ZSWIM5: variants seen among roughly 807,000 people sequenced by gnomAD.
ZSWIM5 encodes the protein zinc finger SWIM-type containing 5.
In ZSWIM5, 55 loss-of-function variants were observed where a neutral mutation model predicts 119.6. The observed-to-expected ratio is 0.46, with a 90% CI of 0.37 to 0.58. The LOEUF is 0.58. Among genes scored for constraint, ZSWIM5 ranks in the 20% least tolerant of loss-of-function variants. ZSWIM5 has a pLI of 0.00. For synonymous variants in ZSWIM5, 537 were observed against 606.9 expected, an observed-to-expected ratio of 0.88 and a Z score of 1.69; for missense variants, 1,193 against 1,512.8, an observed-to-expected ratio of 0.79 and a Z score of 3.51.
Position 45,043,213 on chromosome 1 carries a change from A to G in ZSWIM5, c.1609+6T>C. On this transcript the variant is annotated splice_donor_region_variant and intron_variant, in intron 6 of 13. Coordinates refer to ENST00000359600, the MANE Select transcript of ZSWIM5 (RefSeq NM_020883.2). ...TCTAAAGTTCTTAGAGGAGGGCTAG[A>G]CTTACCAAGCCACAGTGGCTGGCCT... The G allele has an allele frequency of 1.9e-6, 3 of 1,612,954 alleles. No individual in the cohort carries two copies. The highest frequency in any genetic ancestry group is 2.5e-6 in the Non-Finnish European group (3 of 1,179,854).
intron 1 of ZSWIM5, among the ~76,000 whole-genome samples, chr1:45,148,550 T>A (rs1645777074): frequency 6.6e-6 from 1 of 152,128 alleles, no homozygotes; most frequent in Non-Finnish European, 1.5e-5. Context: ...CATTTTATAA[T>A]CTAACCTCTT....
intron 1 of ZSWIM5, among the ~76,000 whole-genome samples, chr1:45,141,818 A>G (rs1645729423): frequency 6.6e-6 from 1 of 152,222 alleles, no homozygotes; most frequent in Non-Finnish European, 1.5e-5. Context: ...TCATGTAATA[A>G]TAAAAGGGTC....
Position 45,067,593 on chromosome 1 carries a change from G to A in ZSWIM5, c.953-7346C>T, listed in dbSNP as rs554770369. On this transcript the variant is annotated intron_variant, in intron 2 of 13. Transcript: ENST00000359600. ...AATGTAAGATTAATCTATAAGAAATGTCAATATTCAAAGGTCACAGTAGAG... is the reference window on the plus strand; with the variant it reads ...AATGTAAGATTAATCTATAAGAAATATCAATATTCAAAGGTCACAGTAGAG... 6.6e-5 allele frequency among the ~76,000 whole-genome samples: 10 copies of A among 152,270 alleles called. No homozygotes were observed. The East Asian group carries it at 1.9e-3, about 29-fold the overall frequency.
At chr1:45,134,668 G>C (rs1143726) in intron 1 of ZSWIM5, among the ~76,000 whole-genome samples, 24,248 of 152,106 alleles carry the variant, frequency 0.16, 2,595 homozygotes, top group African/African-American at 0.3. Context: ...TTTTGGTTTA[G>C]ATTGGAAAAA....
At chr1:45,123,778 T>C (rs1300410792) in intron 1 of ZSWIM5, among the ~76,000 whole-genome samples, 4 of 152,112 alleles carry the variant, frequency 2.6e-5, no homozygotes, top group African/African-American at 9.7e-5. Flanking sequence ...CAAAGAGGAT[T>C]ATACCCAAAG....
chr1:45,062,960 T>C (rs1645161655), intron 2 of ZSWIM5, among the ~76,000 whole-genome samples: 1 of 152,170 alleles, frequency 6.6e-6, no homozygotes, highest in Non-Finnish European at 1.5e-5. Context: ...CTTTTTCAGA[T>C]CTTGTCCCTT....
chr1:45,122,996 A>G (rs988260936), intron 1 of ZSWIM5, among the ~76,000 whole-genome samples: 2 of 152,180 alleles, frequency 1.3e-5, no homozygotes, highest in African/African-American at 2.4e-5. Context: ...CTCTGGTGTC[A>G]GTAGAGGCCA....
chr1:45,078,123 A>G (rs1318611753), intron 2 of ZSWIM5, among the ~76,000 whole-genome samples: 2 of 152,232 alleles, frequency 1.3e-5, no homozygotes, highest in Non-Finnish European at 2.9e-5. Flanking sequence ...TGATTGGGGA[A>G]GTGATAAGTG....
chr1:45,115,693 T>C (rs1341704754), intron 1 of ZSWIM5, among the ~76,000 whole-genome samples: 2 of 137,748 alleles, frequency 1.5e-5, no homozygotes, highest in Non-Finnish European at 3.1e-5. Context: ...TCCCAGACGA[T>C]GGGCGGCCAG....
intron 5 of ZSWIM5, among the ~76,000 whole-genome samples, chr1:45,046,634 ATGTGTGTGTGTGTGTG>A (rs60762459): frequency 6.8e-6 from 1 of 147,420 alleles, no homozygotes; most frequent in South Asian, 2.2e-4. Context: ...TGGGCAAGAT[ATGTGTGTGTGTGTGTG>A]TGTGTGTGTG....
At position 45,057,562 on chromosome 1, in the gene ZSWIM5, G is replaced by A. The variant is rs945353958; in HGVS notation, c.1252+1047C>T. On this transcript the variant is annotated intron_variant, in intron 4 of 13. Transcript: ENST00000359600. This position sits in a 1 kb window ranked among gnomAD's most constrained non-coding sequence, Gnocchi z 4.7. ...CTAACTTCAAGTTCTTAAGGAACAT[G>A]CACTTTGAAGAAATAAAAGGACTTA... Among the ~76,000 whole-genome samples, 1 of 152,172 alleles carries A rather than the reference G, an allele frequency of 6.6e-6. No individual in the cohort carries two copies. The highest frequency in any genetic ancestry group is 2.4e-5 in the African/African-American group (1 of 41,430).
At chr1:45,170,868 G>A (rs112829900) in intron 1 of ZSWIM5, among the ~76,000 whole-genome samples, 2,193 of 152,202 alleles carry the variant, frequency 0.014, 67 homozygotes, top group African/African-American at 0.051. Flanking sequence ...AAATAGGAAT[G>A]AGGCACCACA....
chr1:45,185,663 A>T (rs1251621523), intron 1 of ZSWIM5, among the ~76,000 whole-genome samples: 8 of 152,234 alleles, frequency 5.3e-5, no homozygotes, highest in South Asian at 2.1e-4. Flanking sequence ...GCTCATCATC[A>T]CTGGCCATCA....
intron 1 of ZSWIM5, among the ~76,000 whole-genome samples, chr1:45,190,629 T>C (rs985559044): frequency 6.6e-5 from 10 of 152,200 alleles, no homozygotes; most frequent in Non-Finnish European, 7.3e-5. Flanking sequence ...CATTTATTCC[T>C]CTAACTGCCA....
rs996500993 is a variant in ZSWIM5, at chr1:45,088,359, G to C, written c.596-122C>G. On this transcript the variant is annotated intron_variant, in intron 1 of 13. Transcript: ENST00000359600. This position sits in a 1 kb window ranked among gnomAD's most constrained non-coding sequence, Gnocchi z 4.2. ...TTGGGTATCTCCTACACACGTACAT[G>C]ATAGGCTTTGCCACAGACACAGAGG... 1.5e-6 allele frequency: 1 copy of C among 684,536 alleles called. No individual in the cohort carries two copies. The highest frequency in any genetic ancestry group is 1.8e-5 in the African/African-American group (1 of 55,564). The allele number at this position is 684,536 out of a possible 1,614,324, so 42.4% of individuals were successfully genotyped here.
chr1:45,085,100 A>G (rs888988401), intron 2 of ZSWIM5, among the ~76,000 whole-genome samples: 1 of 152,090 alleles, frequency 6.6e-6, no homozygotes, highest in African/African-American at 2.4e-5. Context: ...CCAAGCCTCA[A>G]CTCTTGACCT....
Position 45,160,981 on chromosome 1 carries a change from C to T in ZSWIM5, c.595+44775G>A, listed in dbSNP as rs189525506. Among the ~76,000 whole-genome samples the T allele has an allele frequency of 3.8e-3, 479 of 125,754 alleles. 2 individuals are homozygous for T. The highest frequency in any genetic ancestry group is 7.8e-3 in the Middle Eastern group (2 of 258). The allele number at this position is 125,754 out of a possible 152,430, so 82.5% of individuals were successfully genotyped here. A position where few individuals can be genotyped will look rare whatever the true frequency, so the allele number is the denominator to read the frequency against. ...GGACTACAAGCGCCTGCCACCATGC[C>T]CGGCTAAATTTTTTTTTTTTTTTTT... On this transcript the variant is annotated intron_variant, in intron 1 of 13. Transcript: ENST00000359600.
intron 1 of ZSWIM5, among the ~76,000 whole-genome samples, chr1:45,120,110 G>A (rs1645582224): frequency 1.3e-5 from 2 of 152,172 alleles, no homozygotes; most frequent in South Asian, 2.1e-4. Context: ...ATGGGAGGCC[G>A]AGGTGGGTGG....
chr1:45,202,245 A>G (rs1646162722), intron 1 of ZSWIM5, among the ~76,000 whole-genome samples: 2 of 152,066 alleles, frequency 1.3e-5, no homozygotes, highest in Non-Finnish European at 2.9e-5. Flanking sequence ...TCCCCCAAAC[A>G]ATATAGATTA....
Sources: allele counts gnomAD v4.1 joint callset (sites outside exome capture counted in the v4.1 genomes callset), GRCh38; gene constraint gnomAD v4.1.1; non-coding constraint Gnocchi (gnomAD v3.1); transcripts MANE v1.5; gene names NCBI Gene and HGNC (gene_info 2026-07-23, HGNC 2026-07-21).